DSCAML1: variants seen among roughly 807,000 people sequenced by gnomAD.
DSCAML1 encodes the protein cell adhesion molecule DSCAML1.
In DSCAML1, 38 loss-of-function variants were observed where a neutral mutation model predicts 200.5. The observed-to-expected ratio is 0.19, with a 90% CI of 0.15 to 0.25. The LOEUF is 0.25. DSCAML1 is among the 10% of genes least tolerant of loss of function. The pLI, the probability that DSCAML1 is intolerant of heterozygous loss-of-function variation, is 1.00. For missense variants in DSCAML1, 2,223 were observed against 2,858.8 expected (o/e 0.78, Z 5.07); for synonymous variants, 1,215 against 1,165.0 (o/e 1.04, Z -0.87).
rs768683075 is a variant in DSCAML1 at position 117,518,483 on chromosome 11, G to T, written c.1493C>A (p.Ala498Glu). The change falls in exon 7 of 33, where the codon GCG becomes GAG. Residue 498 changes from alanine (A) to glutamate (E), a missense_variant. Around this residue, in one of 7 missense-constraint regions of DSCAML1, gnomAD observed 579 missense variants for 721.5 expected, o/e 0.80. Transcript: ENST00000651296. This position sits in a 1 kb window ranked among gnomAD's most constrained non-coding sequence, Gnocchi z 6.3. The part of the protein sequence containing the change: ...RNLVGSAEYQ[A>E]RINVRGPPSI... ...ACAGGCACCTCTTACGTTTATTCGC[G>T]CCTGATATTCAGCACTGCCCACCAA... 2 of 1,614,154 alleles carry T rather than the reference G, an allele frequency of 1.2e-6. No homozygotes were observed. Among genetic ancestry groups the T allele is most frequent in the Non-Finnish European group, 8.5e-7 (1 of 1,180,052 alleles).
At chr11:117,812,946 G>C (rs2134091169) in intron 1 of DSCAML1, among the ~76,000 whole-genome samples, 2 of 151,904 alleles carry the variant, frequency 1.3e-5, no homozygotes, top group South Asian at 4.2e-4. Context: ...ACTTTTAGAG[G>C]CCTTTCCTAC....
At chr11:117,699,051 A>T (rs78915923) in intron 3 of DSCAML1, among the ~76,000 whole-genome samples, 216 of 152,340 alleles carry the variant, frequency 1.4e-3, no homozygotes, top group African/African-American at 5.1e-3. Context: ...TTTAGCTTGA[A>T]TTCCTAAATC....
At chr11:117,748,781 G>T (rs533598398) in intron 3 of DSCAML1, among the ~76,000 whole-genome samples, 1 of 152,186 alleles carries the variant, frequency 6.6e-6, no homozygotes, top group Non-Finnish European at 1.5e-5. Context: ...TAGGGAGGCC[G>T]AGAAAGACCT....
chr11:117,585,613 C>T (rs1012874282), intron 3 of DSCAML1, among the ~76,000 whole-genome samples: 3 of 152,190 alleles, frequency 2.0e-5, no homozygotes, highest in African/African-American at 7.2e-5. Flanking sequence ...TAAATCAGAA[C>T]AGCACTGGTA....
At chr11:117,601,379 G>T (rs1214280512) in intron 3 of DSCAML1, among the ~76,000 whole-genome samples, 1 of 152,200 alleles carries the variant, frequency 6.6e-6, no homozygotes, top group African/African-American at 2.4e-5. Context: ...AGACTCTTCA[G>T]CAGGGAGACC....
At chr11:117,750,141 T>C (rs1282345214) in intron 3 of DSCAML1, among the ~76,000 whole-genome samples, 1 of 152,212 alleles carries the variant, frequency 6.6e-6, no homozygotes, top group Non-Finnish European at 1.5e-5. Flanking sequence ...AAGGGGCATC[T>C]GGCTGGAAGA....
At chr11:117,520,015 C>T (rs543080111) in intron 6 of DSCAML1, among the ~76,000 whole-genome samples, 1 of 152,244 alleles carries the variant, frequency 6.6e-6, no homozygotes, top group African/African-American at 2.4e-5. Flanking sequence ...TACGACAAAT[C>T]CTTAGAAGGA....
intron 3 of DSCAML1, among the ~76,000 whole-genome samples, chr11:117,771,175 T>A (rs1042664767): frequency 1.3e-5 from 2 of 149,354 alleles, no homozygotes; most frequent in East Asian, 4.0e-4. Flanking sequence ...TTGGTGTAGA[T>A]TCGTGGGAGC....
chr11:117,621,938 C>T (rs867999663), intron 3 of DSCAML1, among the ~76,000 whole-genome samples: 30 of 152,106 alleles, frequency 2.0e-4, no homozygotes, highest in African/African-American at 6.5e-4. Context: ...AATGAAAGGA[C>T]GTGTTTCATA....
In DSCAML1 at chr11:117,437,755, G is replaced by C; in HGVS notation, c.4432+140C>G. On this transcript the variant is annotated intron_variant, in intron 25 of 32. Transcript: ENST00000651296. The surrounding 1 kb of genome is among the most constrained non-coding windows in gnomAD (Gnocchi z 5.3). The stretch of plus-strand genomic sequence containing the variant: ...ACACTGTGGTGACGGGAAGGAGGCT[G>C]AGGCTCCTCCCTTCAGTCTCCCTGC... 5.1e-6 allele frequency: 5 copies of C among 979,164 alleles called. No individual in the cohort carries two copies. In the South Asian group the frequency reaches 8.7e-5, roughly 17 times the overall value. 60.7% of individuals were successfully genotyped at this position (979,164 alleles called of 1,614,324 possible). A position where few individuals can be genotyped will look rare whatever the true frequency, so the allele number is the denominator to read the frequency against.
At chr11:117,765,076 T>C (rs2054870530) in intron 3 of DSCAML1, among the ~76,000 whole-genome samples, 1 of 152,176 alleles carries the variant, frequency 6.6e-6, no homozygotes. Flanking sequence ...CAGACATACT[T>C]TGAGCCCCAA....
chr11:117,591,511 G>A (rs143695617), intron 3 of DSCAML1, among the ~76,000 whole-genome samples: 1 of 152,374 alleles, frequency 6.6e-6, no homozygotes, highest in East Asian at 1.9e-4. Context: ...GCAGGAATCT[G>A]CGAGTGCTAT....
At chr11:117,457,015 A>C (rs1004940093) in intron 19 of DSCAML1, among the ~76,000 whole-genome samples, 1 of 152,168 alleles carries the variant, frequency 6.6e-6, no homozygotes, top group African/African-American at 2.4e-5. Context: ...GTAGCCATAA[A>C]GCACCTGCTA....
chr11:117,515,340 C>G (rs547939506), intron 8 of DSCAML1, among the ~76,000 whole-genome samples: 116 of 152,284 alleles, frequency 7.6e-4, no homozygotes, highest in African/African-American at 2.7e-3. Flanking sequence ...CCTCCCCAGC[C>G]TGGCCCCAGA....
intron 3 of DSCAML1, among the ~76,000 whole-genome samples, chr11:117,617,036 C>T (rs1390932311): frequency 5.3e-5 from 8 of 152,340 alleles, no homozygotes; most frequent in Non-Finnish European, 1.2e-4. Context: ...ACTATCACTA[C>T]ACATCAGACA....
At chr11:117,770,955 G>A (rs1935658801) in intron 3 of DSCAML1, among the ~76,000 whole-genome samples, 1 of 152,218 alleles carries the variant, frequency 6.6e-6, no homozygotes, top group African/African-American at 2.4e-5. Flanking sequence ...TGCCCTGAGA[G>A]TGAGCAGGAG....
intron 3 of DSCAML1, among the ~76,000 whole-genome samples, chr11:117,606,901 G>A (rs554529476): frequency 1.0e-3 from 158 of 152,354 alleles, no homozygotes; most frequent in Non-Finnish European, 1.9e-3. Context: ...CATTTGGATA[G>A]GAAACTAGAC....
At chr11:117,740,895 G>A (rs1293408009) in intron 3 of DSCAML1, among the ~76,000 whole-genome samples, 2 of 152,220 alleles carry the variant, frequency 1.3e-5, no homozygotes, top group Non-Finnish European at 2.9e-5. Context: ...AAGACAGAGT[G>A]TGCACCTGAA....
At chr11:117,465,344 T>G (rs1351320272) in intron 16 of DSCAML1, among the ~76,000 whole-genome samples, 162 bp from the exon 17 acceptor site, 2 of 152,150 alleles carry the variant, frequency 1.3e-5, no homozygotes, top group African/African-American at 4.8e-5. Context: ...TACTCTACCC[T>G]GTGTGACCCG....
Sources: allele counts gnomAD v4.1 joint callset (sites outside exome capture counted in the v4.1 genomes callset), GRCh38; gene constraint gnomAD v4.1.1; regional missense constraint gnomAD v4.1.1; non-coding constraint Gnocchi (gnomAD v3.1); transcripts MANE v1.5; gene names NCBI Gene and HGNC (gene_info 2026-07-23, HGNC 2026-07-21).